GRIK5: variants seen among roughly 807,000 people sequenced by gnomAD.
GRIK5 encodes the protein glutamate receptor ionotropic, kainate 5.
In GRIK5, 43 loss-of-function variants were observed where a neutral mutation model predicts 97.4. The ratio of observed to expected loss-of-function variants is 0.44; its 90% CI spans 0.35 to 0.57. The LOEUF (loss-of-function observed/expected upper bound fraction) is 0.57, where lower values mean the gene tolerates loss of function less well. GRIK5 is among the 20% of genes least tolerant of loss of function. The pLI is 0.01. For synonymous variants in GRIK5, 580 were observed against 583.5 expected, an observed-to-expected ratio of 0.99 and a Z score of 0.09; for missense variants, 1,015 against 1,382.0, an observed-to-expected ratio of 0.73 and a Z score of 4.21.
chr19:42,057,559 G>A (rs1158442513), intron 6 of GRIK5, among the ~76,000 whole-genome samples: 1 of 151,786 alleles, frequency 6.6e-6, no homozygotes, highest in Non-Finnish European at 1.5e-5. Context: ...TTGTTTTTTT[G>A]TAGAGATGGG....
intron 12 of GRIK5, among the ~76,000 whole-genome samples, chr19:42,034,086 G>C (rs909517375): frequency 6.6e-6 from 1 of 152,182 alleles, no homozygotes; most frequent in Non-Finnish European, 1.5e-5. Context: ...CCAAGGCCAG[G>C]CATGGTGGCT....
intron 8 of GRIK5, among the ~76,000 whole-genome samples, chr19:42,056,251 T>C (rs1382353133): frequency 6.6e-6 from 1 of 152,208 alleles, no homozygotes; most frequent in Admixed American, 6.5e-5. Context: ...CCCAAAGTGC[T>C]GGGATTACAG....
At chr19:42,055,803 C>T (rs1055454119) in intron 8 of GRIK5, among the ~76,000 whole-genome samples, 1 of 152,066 alleles carries the variant, frequency 6.6e-6, no homozygotes, top group Non-Finnish European at 1.5e-5. Flanking sequence ...GTGCCTCAGC[C>T]ACCCAAGTAG....
In GRIK5 at chr19:41,999,646, G is replaced by A. The variant is rs1244033054; in HGVS notation, c.2515-347C>T. Among the ~76,000 whole-genome samples the A allele has an allele frequency of 6.6e-6, 1 of 151,894 alleles. No homozygotes were observed. The highest frequency in any genetic ancestry group is 1.5e-5 in the Non-Finnish European group (1 of 68,010). ...CCCATCTTCTGCCCCTCATCCATGC[G>A]TTCATTATTGCAAGGCATATTTACC... On this transcript the variant is annotated intron_variant, in intron 19 of 19. Transcript: ENST00000593562. The surrounding 1 kb of genome is among the most constrained non-coding windows in gnomAD (Gnocchi z 5.0).
At chr19:42,069,111 C>A in intron 1 of GRIK5, 130 bp downstream of exon 1, 1 of 428,230 alleles carries the variant, frequency 2.3e-6, no homozygotes, top group Non-Finnish European at 4.1e-6. Context: ...GCAGAGCAGG[C>A]CCCTAGTGGG....
chr19:42,056,694 T>C lies in GRIK5; in HGVS notation c.871A>G (p.Asn291Asp). 6.2e-7 allele frequency: 1 copy of C among 1,613,940 alleles called. No individual in the cohort carries two copies. Among genetic ancestry groups the C allele is most frequent in the Non-Finnish European group, 8.5e-7 (1 of 1,179,908 alleles). The change falls in exon 8 of 20, where the codon AAC becomes GAC. Residue 291 changes from asparagine (N) to aspartate (D), a missense_variant. By Grantham distance (23) the Asn-to-Asp change is conservative (BLOSUM62 1). Transcript: ENST00000593562. ...VRSLNMSWRE[N>D]CEASTYLGPA... ...CCCAGGTAGGTGCTGGCTTCACAGT[T>C]CTCCCTCCAGGACATGTTGAGGCTG...
chr19:42,029,751 G>T (rs1487346467), intron 12 of GRIK5, among the ~76,000 whole-genome samples: 2 of 152,186 alleles, frequency 1.3e-5, no homozygotes, highest in African/African-American at 2.4e-5. Flanking sequence ...TGGACTGGCT[G>T]CAGAGTCTTT....
chr19:42,047,989 A>G (rs1003995302), intron 11 of GRIK5, among the ~76,000 whole-genome samples: 8 of 151,678 alleles, frequency 5.3e-5, no homozygotes, highest in East Asian at 3.9e-4. Context: ...AAAAAAAAAA[A>G]AAAGAAAAAA....
At position 42,006,948 on chromosome 19, in the gene GRIK5, G is replaced by C. The variant is rs1387619913; in HGVS notation, c.1872-138C>G. 3.3e-6 allele frequency: 2 copies of C among 609,428 alleles called. No individual in the cohort carries two copies. The highest frequency in any genetic ancestry group is 1.9e-5 in the African/African-American group (1 of 53,780). 37.8% of individuals were successfully genotyped at this position (609,428 alleles called of 1,614,324 possible). A position where few individuals can be genotyped will look rare whatever the true frequency, so the allele number is the denominator to read the frequency against. ...CTCAGTGACTGCTGGGTGCAGAAGC[G>C]GGGAGTGTGGATTCTGAAGCCAGAC... On this transcript the variant is annotated intron_variant, in intron 15 of 19. Transcript: ENST00000593562. The surrounding 1 kb of genome is among the most constrained non-coding windows in gnomAD (Gnocchi z 5.3).
rs782476617 is a variant in GRIK5 at position 42,003,288 on chromosome 19, T to G, written c.2514+44A>C. On this transcript the variant is annotated intron_variant, in intron 19 of 19. Coordinates refer to ENST00000593562, the MANE Select transcript of GRIK5 (RefSeq NM_002088.5). The surrounding 1 kb of genome is among the most constrained non-coding windows in gnomAD (Gnocchi z 4.2). Reference sequence around the variant, plus strand: ...CACAATCTTCACGCACCTCAGCCCCTGGGGGTCCCTGTTCCTGCCCACCCC... The same window carrying G: ...CACAATCTTCACGCACCTCAGCCCCGGGGGGTCCCTGTTCCTGCCCACCCC... 2.8e-5 allele frequency: 44 copies of G among 1,587,038 alleles called. No homozygotes were observed. Among genetic ancestry groups the G allele is most frequent in the Middle Eastern group, 3.4e-4 (2 of 5,914 alleles).
In GRIK5 at chr19:42,003,697, C is replaced by T. The variant is rs782784784; in HGVS notation, c.2264-14G>A. On this transcript the variant is annotated splice_polypyrimidine_tract_variant and intron_variant, in intron 17 of 19. Coordinates refer to ENST00000593562, the MANE Select transcript of GRIK5 (RefSeq NM_002088.5). This position sits in a 1 kb window ranked among gnomAD's most constrained non-coding sequence, Gnocchi z 4.2. The stretch of plus-strand genomic sequence containing the variant: ...GGAACGGGGAGCCTGGGCAGGCACA[C>T]GAGGGGCTGGACCAGCCATCGGGCC... 20 of 1,600,698 alleles carry T rather than the reference C, an allele frequency of 1.2e-5. No individual in the cohort carries two copies. Among genetic ancestry groups the T allele is most frequent in the African/African-American group, 8.0e-5 (6 of 74,814 alleles).
rs899174609 is a variant in GRIK5, at chr19:42,069,944, G to A, written c.-754C>T. On this transcript the variant is annotated 5_prime_UTR_variant, in exon 1 of 20. Transcript: ENST00000593562. ...GCAAATGAGGTGGAGAGATAGGGAG[G>A]AGGGAGAGGAGGATGGAGAGGAGCA... Among the ~76,000 whole-genome samples, 1 of 152,146 alleles carries A rather than the reference G, an allele frequency of 6.6e-6. No individual in the cohort carries two copies. Among genetic ancestry groups the A allele is most frequent in the Non-Finnish European group, 1.5e-5 (1 of 68,004 alleles).
intron 12 of GRIK5, among the ~76,000 whole-genome samples, chr19:42,035,793 A>C (rs779376612): frequency 6.6e-6 from 1 of 152,216 alleles, no homozygotes; most frequent in Non-Finnish European, 1.5e-5. Context: ...CTGAGGTGTA[A>C]GAACATCATG....
rs369456986 is a variant in GRIK5 at position 42,065,335 on chromosome 19, C to A, written c.132G>T (p.Leu44Phe). The A allele has an allele frequency of 2.7e-5, 44 of 1,609,998 alleles. No homozygotes were observed. Among genetic ancestry groups the A allele is most frequent in the Middle Eastern group, 1.6e-4 (1 of 6,076 alleles). The change falls in exon 3 of 20, where the codon TTG becomes TTT. Residue 44 changes from leucine to phenylalanine, a missense_variant. Around this residue, in one of 5 missense-constraint regions of GRIK5, gnomAD observed 198 missense variants for 218.2 expected, o/e 0.91. Coordinates refer to ENST00000593562, the MANE Select transcript of GRIK5 (RefSeq NM_002088.5). The surrounding 1 kb of genome is among the most constrained non-coding windows in gnomAD (Gnocchi z 5.8). The part of the protein sequence containing the change: ...TVCGRGERLA[L>F]ALAREQINGI... Reference sequence around the variant, plus strand: ...CGTTGATCTGCTCCCGGGCCAAGGCCAAGGCCAGACGCTCACCGCGGCCAC... The same window carrying A: ...CGTTGATCTGCTCCCGGGCCAAGGCAAAGGCCAGACGCTCACCGCGGCCAC...
chr19:42,051,810 C>T (rs1169527550), intron 11 of GRIK5, among the ~76,000 whole-genome samples: 1 of 152,186 alleles, frequency 6.6e-6, no homozygotes, highest in African/African-American at 2.4e-5. Context: ...ACCTGACAAA[C>T]ACCTCCCAAA....
chr19:42,006,556 G>T lies in GRIK5; in HGVS notation c.2037+89C>A. The T allele has an allele frequency of 8.7e-7, 1 of 1,143,610 alleles. No homozygotes were observed. Among genetic ancestry groups the T allele is most frequent in the Non-Finnish European group, 1.3e-6 (1 of 775,918 alleles). 70.8% of individuals were successfully genotyped at this position (1,143,610 alleles called of 1,614,324 possible). ...GCTGTCACTGACAATCAGTCCCTCT[G>T]ACCCAGGAGACCCTGCCCAGACCCA... On this transcript the variant is annotated intron_variant, in intron 16 of 19. Coordinates refer to ENST00000593562, the MANE Select transcript of GRIK5 (RefSeq NM_002088.5). This position sits in a 1 kb window ranked among gnomAD's most constrained non-coding sequence, Gnocchi z 5.3.
chr19:42,029,154 G>A (rs1009647718), intron 12 of GRIK5, among the ~76,000 whole-genome samples: 3 of 152,002 alleles, frequency 2.0e-5, no homozygotes, highest in South Asian at 2.1e-4. Context: ...TGCAACCTCC[G>A]CCTCCTGGGT....
chr19:42,043,175 C>T lies in GRIK5; in HGVS notation c.1270-420G>A, dbSNP rs544160639. Among the ~76,000 whole-genome samples, 24 of 152,242 alleles carry T rather than the reference C, an allele frequency of 1.6e-4. No individual in the cohort carries two copies. The South Asian group carries it at 2.1e-3, about 13-fold the overall frequency. ...CCTAATTCACCCACACATGAACACA[C>T]GTAACTAGACTTAATTCCACAGAAC... On this transcript the variant is annotated intron_variant, in intron 11 of 19. Transcript: ENST00000593562.
chr19:42,054,889 C>T (rs1182562357), intron 8 of GRIK5, among the ~76,000 whole-genome samples: 1 of 152,114 alleles, frequency 6.6e-6, no homozygotes, highest in African/African-American at 2.4e-5. Context: ...TTCATCTATA[C>T]ACAGCTTGGG....
Sources: gnomAD v4.1 joint callset for allele counts (sites outside exome capture counted in the v4.1 genomes callset) on GRCh38, gnomAD v4.1.1 for gene constraint, gnomAD v4.1.1 regional missense constraint, Gnocchi (gnomAD v3.1) non-coding constraint, MANE v1.5 for transcripts, NCBI Gene and HGNC (gene_info 2026-07-23, HGNC 2026-07-21) for gene names.